Variants in LHFPL3 observed in about 807,000 individuals in gnomAD.
The protein encoded by LHFPL3 is LHFPL tetraspan subfamily member 3.
In LHFPL3, 5 loss-of-function variants were observed where a neutral mutation model predicts 19.3. The ratio of observed to expected loss-of-function variants is 0.26; its 90% CI spans 0.14 to 0.54. LHFPL3 has a LOEUF of 0.54. LHFPL3 is among the 20% of genes least tolerant of loss of function. The probability of loss-of-function intolerance (pLI) is 0.94; values close to 1 mark genes in which losing one functional copy is unlikely to be tolerated. For missense variants in LHFPL3, 249 were observed against 307.4 expected (o/e 0.81, Z 1.42); for synonymous variants, 133 against 126.2 (o/e 1.05, Z -0.36).
At chr7:104,550,512 A>T (rs1301250021) in intron 1 of LHFPL3, among the ~76,000 whole-genome samples, 1 of 152,184 alleles carries the variant, frequency 6.6e-6, no homozygotes, top group African/African-American at 2.4e-5. Context: ...CACAGAATAC[A>T]TGAGAGGAAA....
chr7:104,693,535 C>A (rs915592280), intron 1 of LHFPL3, among the ~76,000 whole-genome samples: 1 of 152,098 alleles, frequency 6.6e-6, no homozygotes, highest in South Asian at 2.1e-4. Flanking sequence ...GTGCGTGAGT[C>A]CTCACAACAT....
intron 1 of LHFPL3, among the ~76,000 whole-genome samples, chr7:104,666,743 CGATCTCCT>C (rs1285752999): frequency 4.0e-5 from 6 of 151,164 alleles, no homozygotes; most frequent in Non-Finnish European, 8.9e-5. Context: ...GGGATGGTCT[CGATCTCCT>C]GACCTCGTGA....
At chr7:104,520,224 C>A (rs1041653636) in intron 1 of LHFPL3, among the ~76,000 whole-genome samples, 1 of 151,998 alleles carries the variant, frequency 6.6e-6, no homozygotes, top group Non-Finnish European at 1.5e-5. Context: ...TTTGTCTTTG[C>A]TTCTGTTTAT....
chr7:104,646,210 A>G (rs1791930691), intron 1 of LHFPL3, among the ~76,000 whole-genome samples: 1 of 152,190 alleles, frequency 6.6e-6, no homozygotes, highest in African/African-American at 2.4e-5. Context: ...TGCACCAACA[A>G]CCCAATTTGA....
rs1562947525 is a variant in LHFPL3 at position 104,603,129 on chromosome 7, T to TCC, written c.446-133545_446-133544insCC. On this transcript the variant is annotated intron_variant, in intron 1 of 2. Transcript: ENST00000424859. ...TTCTTTCTTTCTTTCTTTCTTTCTTTCTTTTTTCCCTTCCTTCCTTCCTTC... is the reference window on the plus strand; with the variant it reads ...TTCTTTCTTTCTTTCTTTCTTTCTTTCCCTTTTTTCCCTTCCTTCCTTCCTTC... Among the ~76,000 whole-genome samples the TCC allele has an allele frequency of 2.4e-3, 319 of 130,584 alleles. 1 individual carries two copies. Among genetic ancestry groups the TCC allele is most frequent in the African/African-American group, 8.6e-3 (291 of 33,986 alleles). 85.7% of individuals were successfully genotyped at this position (130,584 alleles called of 152,430 possible).
intron 1 of LHFPL3, among the ~76,000 whole-genome samples, chr7:104,372,889 A>C (rs944137043): frequency 6.6e-6 from 1 of 152,134 alleles, no homozygotes; most frequent in Non-Finnish European, 1.5e-5. Flanking sequence ...GTGGATCATG[A>C]ATTAATCAGA....
At chr7:104,764,822 A>G (rs1253416301) in intron 2 of LHFPL3, among the ~76,000 whole-genome samples, 1 of 152,204 alleles carries the variant, frequency 6.6e-6, no homozygotes, top group Non-Finnish European at 1.5e-5. Flanking sequence ...TATATCTTCT[A>G]TCTCATTTGA....
Position 104,850,162 on chromosome 7 carries a change from C to T in LHFPL3, c.683-56025C>T, listed in dbSNP as rs553725582. Among the ~76,000 whole-genome samples, 46 of 152,160 alleles carry T rather than the reference C, an allele frequency of 3.0e-4. No homozygotes were observed. The East Asian group carries it at 7.5e-3, about 25-fold the overall frequency. ...TACTAAAAATACAAAATTAGCCAGGCGTGGTGGCACATGCCTGTAATCCCA... is the reference window on the plus strand; with the variant it reads ...TACTAAAAATACAAAATTAGCCAGGTGTGGTGGCACATGCCTGTAATCCCA... On this transcript the variant is annotated intron_variant, in intron 2 of 2. Transcript: ENST00000424859.
chr7:104,458,275 C>T (rs1792586550), intron 1 of LHFPL3, among the ~76,000 whole-genome samples: 1 of 152,140 alleles, frequency 6.6e-6, no homozygotes, highest in African/African-American at 2.4e-5. Context: ...TTTAATCCAT[C>T]TTAAATTAAT....
In LHFPL3 at chr7:104,386,746, T is replaced by C. The variant is rs182447929; in HGVS notation, c.445+57522T>C. On this transcript the variant is annotated intron_variant, in intron 1 of 2. Coordinates refer to ENST00000424859, the MANE Select transcript of LHFPL3 (RefSeq NM_199000.3). ...TTCAAGAAAGTTTAGAAAATTTTTG[T>C]TCAATCATTAGCTGACCTTCAAAGA... is the stretch of plus-strand genomic sequence containing the variant. 2.6e-5 allele frequency among the ~76,000 whole-genome samples: 4 copies of C among 152,332 alleles called. No individual in the cohort carries two copies. The East Asian group carries it at 7.7e-4, about 29-fold the overall frequency.
chr7:104,343,549 A>G (rs1459476485), intron 1 of LHFPL3, among the ~76,000 whole-genome samples: 2 of 126,310 alleles, frequency 1.6e-5, no homozygotes, highest in Non-Finnish European at 3.3e-5. Context: ...AAAAAAAAAA[A>G]AAGCCAAGCT....
intron 2 of LHFPL3, among the ~76,000 whole-genome samples, chr7:104,887,892 G>A (rs1792177009): frequency 6.6e-6 from 1 of 152,218 alleles, no homozygotes; most frequent in East Asian, 1.9e-4. Flanking sequence ...AGATCTACTG[G>A]TAGGACTTTC....
intron 1 of LHFPL3, among the ~76,000 whole-genome samples, chr7:104,400,021 T>C (rs1791279907): frequency 7.0e-6 from 1 of 143,184 alleles, no homozygotes; most frequent in Non-Finnish European, 1.5e-5. Context: ...GAAGAATCCT[T>C]TGAACCTGGG....
chr7:104,348,591 C>G (rs1179742332), intron 1 of LHFPL3, among the ~76,000 whole-genome samples: 1 of 152,086 alleles, frequency 6.6e-6, no homozygotes, highest in East Asian at 1.9e-4. Context: ...AATATTTGAC[C>G]TTAACACAAA....
intron 2 of LHFPL3, among the ~76,000 whole-genome samples, 183 bp from the exon 3 acceptor site, chr7:104,906,004 G>T (rs936162213): frequency 6.6e-6 from 1 of 152,184 alleles, no homozygotes; most frequent in Non-Finnish European, 1.5e-5. Flanking sequence ...ACTGTGGGTT[G>T]AATGGAACAG....
intron 2 of LHFPL3, among the ~76,000 whole-genome samples, chr7:104,890,107 T>C (rs952358264): frequency 3.3e-5 from 5 of 152,182 alleles, no homozygotes; most frequent in African/African-American, 1.2e-4. Context: ...GAGACCAGCC[T>C]GGCTACATAG....
chr7:104,666,512 C>CTTTTTTTTTT (rs71155514), intron 1 of LHFPL3, among the ~76,000 whole-genome samples: 525 of 42,228 alleles, frequency 0.012, 115 homozygotes, highest in East Asian at 0.026. Flanking sequence ...GGATTTCATT[C>CTTTTTTTTTT]TTTTTTTTTT....
intron 1 of LHFPL3, among the ~76,000 whole-genome samples, chr7:104,581,201 T>G (rs1790453760): frequency 6.6e-6 from 1 of 152,078 alleles, no homozygotes; most frequent in Non-Finnish European, 1.5e-5. Flanking sequence ...TATTGTCTAG[T>G]CTTTTGAATT....
chr7:104,818,092 T>G (rs888176380), intron 2 of LHFPL3, among the ~76,000 whole-genome samples: 6 of 152,098 alleles, frequency 3.9e-5, no homozygotes, highest in African/African-American at 1.4e-4. Flanking sequence ...GCAAGAGAAG[T>G]AAGAGGAATC....
Sources: gnomAD v4.1 joint callset for allele counts (sites outside exome capture counted in the v4.1 genomes callset) on GRCh38, gnomAD v4.1.1 for gene constraint, MANE v1.5 for transcripts, NCBI Gene and HGNC (gene_info 2026-07-23, HGNC 2026-07-21) for gene names.